The following NPHP4 variants were observed in gnomAD, a reference collection of about 807,000 sequenced individuals.
NPHP4 encodes nephrocystin-4.
A neutral mutation model predicts 155.8 loss-of-function variants in NPHP4; 151 were observed. That is an observed-to-expected ratio of 0.97 (90% CI 0.85 to 1.11). The LOEUF is 1.11. Ranked by LOEUF, NPHP4 falls within the 50% of genes least tolerant of loss-of-function variation. The pLI is 0.00. For synonymous variants in NPHP4, 845 were observed against 816.8 expected, an observed-to-expected ratio of 1.03 and a Z score of -0.59; for missense variants, 1,956 against 1,925.7, an observed-to-expected ratio of 1.02 and a Z score of -0.29.
chr1:5,877,216 GC>G lies in NPHP4; in HGVS notation c.2693del (p.Gly898AlafsTer22). On this transcript the variant is annotated frameshift_variant, in exon 20 of 30. Coordinates refer to ENST00000378156, the MANE Select transcript of NPHP4 (RefSeq NM_015102.5). LOFTEE classifies it high-confidence loss of function. ...CGCGGCTGACGTCCTGGGGCCCCTT[GC>G]CCTGCCGGGCATGGGTCAGTAGCAT... The part of the protein sequence containing the change: ...AAMLLTHARQ[G>X]KGPQDVSRES... 2 of 1,607,356 alleles carry G rather than the reference GC, an allele frequency of 1.2e-6. No individual in the cohort carries two copies. Among genetic ancestry groups the G allele is most frequent in the Non-Finnish European group, 1.7e-6 (2 of 1,176,350 alleles).
chr1:5,949,625 G>A (rs916882010), intron 7 of NPHP4, among the ~76,000 whole-genome samples: 1 of 152,002 alleles, frequency 6.6e-6, no homozygotes, highest in Non-Finnish European at 1.5e-5. Context: ...GGCAAGGGCG[G>A]GGAACAGCAC....
intron 6 of NPHP4, among the ~76,000 whole-genome samples, chr1:5,953,636 C>A (rs553780728): frequency 6.6e-6 from 1 of 152,220 alleles, no homozygotes; most frequent in Non-Finnish European, 1.5e-5. Context: ...AACGGCACCA[C>A]GAGAAAAGGG....
intron 9 of NPHP4, among the ~76,000 whole-genome samples, chr1:5,946,042 GT>G: frequency 6.6e-6 from 1 of 152,224 alleles, no homozygotes; most frequent in South Asian, 2.1e-4. Flanking sequence ...CTATTTTATT[GT>G]TATTGTTGTT....
At chr1:5,960,770 C>T (rs1287987694) in intron 6 of NPHP4, among the ~76,000 whole-genome samples, 2 of 152,158 alleles carry the variant, frequency 1.3e-5, no homozygotes, top group Admixed American at 6.5e-5. Context: ...CAGCAGAGCA[C>T]ACCCCCAACA....
In NPHP4 at chr1:5,961,854, T is replaced by C. The variant is rs1650394414; in HGVS notation, c.613A>G (p.Asn205Asp). 6.2e-7 allele frequency: 1 copy of C among 1,613,658 alleles called. No individual in the cohort carries two copies. Residue 205 changes from asparagine (N) to aspartate (D), a missense_variant, in exon 6 of 30, where the codon AAC becomes GAC. Asn to Asp is a conservative substitution (Grantham distance 23). Coordinates refer to ENST00000378156, the MANE Select transcript of NPHP4 (RefSeq NM_015102.5). The part of the protein sequence containing the change: ...LEPAFHLLPE[N>D]LLVSGLQQIP... The stretch of plus-strand genomic sequence containing the variant: ...TGCTGCAGACCAGACACCAGAAGGT[T>C]CTCAGGAAGAAGGTGGAACGCAGGC...
chr1:5,885,979 G>C (rs1417566019), intron 18 of NPHP4, among the ~76,000 whole-genome samples: 1 of 152,140 alleles, frequency 6.6e-6, no homozygotes, highest in Non-Finnish European at 1.5e-5. Context: ...CCCTTCCTAT[G>C]AGCTTATCTC....
intron 11 of NPHP4, among the ~76,000 whole-genome samples, chr1:5,911,445 C>A (rs574382528): frequency 1.3e-5 from 2 of 152,348 alleles, no homozygotes; most frequent in South Asian, 4.1e-4. Flanking sequence ...CGGGGGCCAG[C>A]CCTCCGTGCC....
chr1:5,892,165 C>T lies in NPHP4; in HGVS notation c.2144-1137G>A, dbSNP rs1644165453. ...TCAGAGGTGACCAGCCACACAGCCC[C>T]CACCCCTGCCTGGACTGTGGCATCT... On this transcript the variant is annotated intron_variant, in intron 16 of 29. Coordinates refer to ENST00000378156, the MANE Select transcript of NPHP4 (RefSeq NM_015102.5). This position sits in a 1 kb window ranked among gnomAD's most constrained non-coding sequence, Gnocchi z 4.5. Among the ~76,000 whole-genome samples, 1 of 152,228 alleles carries T rather than the reference C, an allele frequency of 6.6e-6. No homozygotes were observed. Among genetic ancestry groups the T allele is most frequent in the Admixed American group, 6.5e-5 (1 of 15,284 alleles).
intron 19 of NPHP4, among the ~76,000 whole-genome samples, chr1:5,878,527 T>C (rs973139225): frequency 6.6e-6 from 1 of 152,114 alleles, no homozygotes. Flanking sequence ...AGTTACAGAG[T>C]GACCGTGAAA....
intron 11 of NPHP4, among the ~76,000 whole-genome samples, chr1:5,927,044 G>A (rs774677202): frequency 3.9e-5 from 6 of 152,186 alleles, no homozygotes; most frequent in Non-Finnish European, 7.3e-5. Flanking sequence ...CAGGACATGG[G>A]TCTAAACCAA....
intron 11 of NPHP4, among the ~76,000 whole-genome samples, chr1:5,917,269 C>T (rs1203240258): frequency 6.6e-6 from 1 of 152,150 alleles, no homozygotes; most frequent in Non-Finnish European, 1.5e-5. Context: ...CAGGAGGACT[C>T]CCACTGGAAC....
Position 5,909,018 on chromosome 1 carries a change from G to A in NPHP4, c.1503+134C>T, listed in dbSNP as rs543969651. Reference sequence around the variant, plus strand: ...AGACAGGGTAGGAGGGGACAGCCCCGCCGCCGCCAGCAGGCCCTCCCCAGC... The same window carrying A: ...AGACAGGGTAGGAGGGGACAGCCCCACCGCCGCCAGCAGGCCCTCCCCAGC... On this transcript the variant is annotated intron_variant, in intron 12 of 29. Transcript: ENST00000378156. 122 of 759,230 alleles carry A rather than the reference G, an allele frequency of 1.6e-4. 1 individual carries two copies. The highest frequency in any genetic ancestry group is 2.3e-4 in the Non-Finnish European group (98 of 429,988). The allele number at this position is 759,230 out of a possible 1,614,324, so 47.0% of individuals were successfully genotyped here.
chr1:5,942,072 TCAC>T (rs1209451457), intron 9 of NPHP4, among the ~76,000 whole-genome samples: 1 of 152,064 alleles, frequency 6.6e-6, no homozygotes, highest in Non-Finnish European at 1.5e-5. Context: ...TCAGCAAAGA[TCAC>T]CACAACCAAC....
chr1:5,872,197 C>A (rs1479944253), intron 23 of NPHP4, among the ~76,000 whole-genome samples: 1 of 152,244 alleles, frequency 6.6e-6, no homozygotes, highest in African/African-American at 2.4e-5. Context: ...CGTCTTCCCA[C>A]GGAGGCCCTG....
At chr1:5,963,430 T>A (rs1650736595) in intron 5 of NPHP4, among the ~76,000 whole-genome samples, 1 of 152,132 alleles carries the variant, frequency 6.6e-6, no homozygotes, top group Admixed American at 6.5e-5. Flanking sequence ...CACTGTATTT[T>A]TTTTAGTACC....
At position 5,877,239 on chromosome 1, in the gene NPHP4, G is replaced by A. The variant is rs368536566; in HGVS notation, c.2671C>T (p.Leu891=). The A allele has an allele frequency of 1.2e-6, 2 of 1,608,532 alleles. No individual in the cohort carries two copies. The highest frequency in any genetic ancestry group is 2.7e-5 in the African/African-American group (2 of 75,020). ...ADVDSELAAM[L]LTHARQGKGP... ...TTGCCCTGCCGGGCATGGGTCAGTA[G>A]CATGGCAGCCAGCTCACTGTCCACG... The change falls in exon 20 of 30, where the codon CTA becomes TTA. Residue 891 remains leucine, a synonymous_variant. Transcript: ENST00000378156.
chr1:5,925,501 A>T (rs2101640525), intron 11 of NPHP4, among the ~76,000 whole-genome samples: 1 of 152,350 alleles, frequency 6.6e-6, no homozygotes, highest in Middle Eastern at 3.4e-3. Flanking sequence ...TTTCATAATT[A>T]TGTTTCTCAA....
At chr1:5,948,292 A>G in intron 7 of NPHP4, 41 bp from the exon 8 acceptor site, 6 of 1,462,864 alleles carry the variant, frequency 4.1e-6, no homozygotes, top group Middle Eastern at 1.8e-4. Context: ...GCACAGACGG[A>G]AAGAGGGAGC....
At chr1:5,928,599 C>CT (rs70977992) in intron 10 of NPHP4, among the ~76,000 whole-genome samples, 25,977 of 152,146 alleles carry the variant, frequency 0.17, 2,292 homozygotes, top group African/African-American at 0.21. Context: ...TCATAAGGCA[C>CT]TTCCAAACTT....
Sources: gnomAD v4.1 joint callset for allele counts (sites outside exome capture counted in the v4.1 genomes callset) on GRCh38, gnomAD v4.1.1 for gene constraint, Gnocchi (gnomAD v3.1) non-coding constraint, MANE v1.5 for transcripts, NCBI Gene and HGNC (gene_info 2026-07-23, HGNC 2026-07-21) for gene names.